RANBP10: variants seen among roughly 807,000 people sequenced by gnomAD.
RANBP10 encodes ran-binding protein 10.
Under a neutral mutation model 72.8 loss-of-function variants are expected in RANBP10, and 24 were observed. That is an observed-to-expected ratio of 0.33 (90% confidence interval 0.24 to 0.46). The LOEUF (loss-of-function observed/expected upper bound fraction) is 0.46. Ranked by LOEUF, RANBP10 falls within the 20% of genes least tolerant of loss-of-function variation. The pLI, the probability that RANBP10 is intolerant of heterozygous loss-of-function variation, is 1.00. For synonymous variants in RANBP10, 310 were observed against 322.3 expected (o/e 0.96, Z 0.41); for missense variants, 679 against 817.5 (o/e 0.83, Z 2.07).
chr16:67,729,366 G>T lies in RANBP10; in HGVS notation c.1266C>A (p.Ser422=). ...SSSSSSSSSS[S]PSSVNYSESN... is the part of the protein sequence containing the mutation. The stretch of plus-strand genomic sequence containing the variant: ...ACTCGGAGTAATTGACGGAGGATGG[G>T]GAAGAGGACGAGGAGGAGGAGGAGG... The change falls in exon 10 of 14, where the codon TCC becomes TCA. Residue 422 remains serine, a synonymous_variant. Coordinates refer to ENST00000317506, the MANE Select transcript of RANBP10 (RefSeq NM_020850.3). The surrounding 1 kb of genome is among the most constrained non-coding windows in gnomAD (Gnocchi z 7.1). 1.2e-6 allele frequency: 2 copies of T among 1,613,012 alleles called. No individual in the cohort carries two copies. The highest frequency in any genetic ancestry group is 1.7e-6 in the Non-Finnish European group (2 of 1,179,412).
chr16:67,748,719 G>C (rs968912912), intron 3 of RANBP10, among the ~76,000 whole-genome samples: 4 of 152,252 alleles, frequency 2.6e-5, no homozygotes, highest in Admixed American at 1.3e-4. Flanking sequence ...GCAGGCAAAG[G>C]CATGAGTACA....
intron 3 of RANBP10, among the ~76,000 whole-genome samples, chr16:67,761,944 C>T (rs2054402988): frequency 1.3e-5 from 2 of 152,092 alleles, no homozygotes; most frequent in Non-Finnish European, 2.9e-5. Context: ...AAAACACACA[C>T]CTTTTCCCAA....
intron 2 of RANBP10, among the ~76,000 whole-genome samples, chr16:67,794,207 G>T (rs1382155558): frequency 1.3e-5 from 2 of 152,090 alleles, no homozygotes; most frequent in Non-Finnish European, 2.9e-5. Flanking sequence ...AGGGGCCGAG[G>T]CGGGCAGATC....
chr16:67,761,705 G>A (rs1271269147), intron 3 of RANBP10, among the ~76,000 whole-genome samples: 2 of 152,094 alleles, frequency 1.3e-5, no homozygotes, highest in African/African-American at 2.4e-5. Flanking sequence ...GAGTAGCTGG[G>A]ACTACAGGCG....
At chr16:67,776,630 G>A (rs911099564) in intron 2 of RANBP10, among the ~76,000 whole-genome samples, 4 of 150,850 alleles carry the variant, frequency 2.7e-5, no homozygotes, top group Non-Finnish European at 2.9e-5. Flanking sequence ...AAAATTAGCC[G>A]GGCGTGGTGG....
At chr16:67,744,215 A>G in intron 4 of RANBP10, 73 bp downstream of exon 4, 1 of 1,557,668 alleles carries the variant, frequency 6.4e-7, no homozygotes, top group East Asian at 2.3e-5. Flanking sequence ...TGCCTTGAGC[A>G]CTTGCCCCTG....
At chr16:67,785,898 C>T (rs1027470753) in intron 2 of RANBP10, among the ~76,000 whole-genome samples, 2 of 146,812 alleles carry the variant, frequency 1.4e-5, no homozygotes, top group African/African-American at 2.5e-5. Flanking sequence ...TGGTGGCAGG[C>T]GCCTGTAGTC....
intron 3 of RANBP10, among the ~76,000 whole-genome samples, chr16:67,745,523 C>T (rs901283497): frequency 2.0e-5 from 3 of 151,300 alleles, no homozygotes; most frequent in Non-Finnish European, 4.4e-5. Context: ...TTAGTAGAGA[C>T]GGGGTTTCAA....
At chr16:67,748,900 G>A (rs2054142651) in intron 3 of RANBP10, among the ~76,000 whole-genome samples, 1 of 152,158 alleles carries the variant, frequency 6.6e-6, no homozygotes, top group African/African-American at 2.4e-5. Flanking sequence ...CCCAGTGTCT[G>A]CCTGCTTCCT....
At chr16:67,766,156 G>A (rs2054498815) in intron 3 of RANBP10, among the ~76,000 whole-genome samples, 1 of 152,296 alleles carries the variant, frequency 6.6e-6, no homozygotes, top group Admixed American at 6.5e-5. Flanking sequence ...ATCAGCAGCG[G>A]CTGGCAGAAA....
intron 6 of RANBP10, 115 bp downstream of exon 6, chr16:67,734,743 C>G (rs531602492): frequency 4.1e-5 from 47 of 1,159,692 alleles, no homozygotes; most frequent in Non-Finnish European, 5.3e-5. Context: ...GAATGCTTCC[C>G]AGAAAGGATC....
intron 2 of RANBP10, among the ~76,000 whole-genome samples, chr16:67,775,421 G>C (rs976400616): frequency 2.6e-5 from 4 of 152,130 alleles, no homozygotes; most frequent in Non-Finnish European, 5.9e-5. Context: ...AGACAGTATT[G>C]GGAGTTCTAG....
Position 67,726,554 on chromosome 16 carries a change from G to T in RANBP10, c.1737C>A (p.Ser579=). ...CAALNSAILE[S]QNLPKQPPLM... ...GAGGGGGCTGCTTTGGCAGGTTCTGGGACTCTGTGGAGGAAAGACAAGGCC... is the reference window on the plus strand; with the variant it reads ...GAGGGGGCTGCTTTGGCAGGTTCTGTGACTCTGTGGAGGAAAGACAAGGCC... The change falls in exon 14 of 14, where the codon TCC becomes TCA. Residue 579 remains serine (S), a synonymous_variant. Coordinates refer to ENST00000317506, the MANE Select transcript of RANBP10 (RefSeq NM_020850.3). The T allele has an allele frequency of 6.4e-7, 1 of 1,554,656 alleles. No homozygotes were observed. Among genetic ancestry groups the T allele is most frequent in the South Asian group, 1.2e-5 (1 of 84,328 alleles).
chr16:67,770,543 C>T (rs2054589563), intron 3 of RANBP10, among the ~76,000 whole-genome samples: 1 of 152,134 alleles, frequency 6.6e-6, no homozygotes, highest in Non-Finnish European at 1.5e-5. Context: ...GTGTCATAGG[C>T]ACAAAGAGCA....
At chr16:67,804,399 CT>C (rs944906909) in intron 2 of RANBP10, among the ~76,000 whole-genome samples, 6 of 148,448 alleles carry the variant, frequency 4.0e-5, no homozygotes, top group South Asian at 2.1e-4. Context: ...CTAATGCTGA[CT>C]TTTTTTTTTG....
In RANBP10 at chr16:67,731,534, G is replaced by T; in HGVS notation, c.827C>A (p.Ala276Asp). ...CGGGGTTTCAGTCATTCGAGCAAAA[G>T]CCGTGGCTGTGGCACAATACCCATG... is the stretch of plus-strand genomic sequence containing the variant. ...VHHGYCATAT[A>D]FARMTETPIQ... The change falls in exon 7 of 14, where the codon GCT becomes GAT. Residue 276 changes from alanine to aspartate, a missense_variant. Coordinates refer to ENST00000317506, the MANE Select transcript of RANBP10 (RefSeq NM_020850.3). The T allele has an allele frequency of 6.2e-7, 1 of 1,614,198 alleles. No homozygotes were observed. The highest frequency in any genetic ancestry group is 8.5e-7 in the Non-Finnish European group (1 of 1,180,024).
intron 2 of RANBP10, among the ~76,000 whole-genome samples, chr16:67,784,024 CAGAG>C (rs1165342667): frequency 1.3e-4 from 16 of 118,636 alleles, no homozygotes; most frequent in African/African-American, 4.0e-4. Context: ...GCCTGAGTGA[CAGAG>C]AGAGAGACTC....
intron 4 of RANBP10, 150 bp downstream of exon 4, chr16:67,744,138 T>TA: frequency 6.9e-7 from 1 of 1,453,554 alleles, no homozygotes; most frequent in Non-Finnish European, 9.1e-7. Context: ...TGCTACCCTC[T>TA]ATTCACCTGA....
chr16:67,762,689 C>A (rs950494889), intron 3 of RANBP10: 16 of 152,234 alleles, frequency 1.1e-4, no homozygotes, highest in Non-Finnish European at 5.9e-5. Context: ...TGGGGTGAGG[C>A]TGAGCTCCAA....
Sources: gnomAD v4.1 joint callset for allele counts (sites outside exome capture counted in the v4.1 genomes callset) on GRCh38, gnomAD v4.1.1 for gene constraint, Gnocchi (gnomAD v3.1) non-coding constraint, MANE v1.5 for transcripts, NCBI Gene and HGNC (gene_info 2026-07-23, HGNC 2026-07-21) for gene names.